Variants in ACAN observed in about 807,000 individuals in gnomAD.
ACAN encodes the protein aggrecan.
ACAN carries 47 observed loss-of-function variants against 169.1 expected under a neutral mutation model. The ratio of observed to expected loss-of-function variants is 0.28; its 90% CI spans 0.22 to 0.35. The LOEUF (loss-of-function observed/expected upper bound fraction) is 0.35. ACAN is among the 10% of genes least tolerant of loss of function. The probability of loss-of-function intolerance (pLI) is 1.00; values close to 1 mark genes in which losing one functional copy is unlikely to be tolerated. For missense variants in ACAN, 2,716 were observed against 2,759.9 expected (o/e 0.98, Z 0.36); for synonymous variants, 1,115 against 1,112.2 (o/e 1.00, Z -0.05).
intron 12 of ACAN, among the ~76,000 whole-genome samples, chr15:88,859,978 G>A (rs980082031): frequency 6.6e-6 from 1 of 151,752 alleles, no homozygotes; most frequent in South Asian, 2.1e-4. Flanking sequence ...AACCCCATCC[G>A]TGTACAAAGG....
chr15:88,864,954 A>G (rs16942392), intron 13 of ACAN, among the ~76,000 whole-genome samples: 1,700 of 152,306 alleles, frequency 0.011, 28 homozygotes, highest in South Asian at 0.045. Flanking sequence ...ATGAGCAAAT[A>G]AACTCTCACT....
chr15:88,857,406 C>A lies in ACAN; in HGVS notation c.4821C>A (p.Gly1607=). The A allele has an allele frequency of 1.2e-6, 2 of 1,613,908 alleles. No individual in the cohort carries two copies. Among genetic ancestry groups the A allele is most frequent in the Non-Finnish European group, 1.7e-6 (2 of 1,179,896 alleles). ...VGSASGDLDL[G]KLPSGTLGSG... ...CAGCTTCTGGAGACTTGGACTTGGG[C>A]AAACTGCCTTCTGGAACTCTAGGAA... Residue 1607 remains glycine, a synonymous_variant, in exon 12 of 19, where the codon GGC becomes GGA. Coordinates refer to ENST00000560601, the MANE Select transcript of ACAN (RefSeq NM_001369268.1).
rs1333786132 is a variant in ACAN at position 88,861,658 on chromosome 15, G to A, written c.6946+1219G>A. Among the ~76,000 whole-genome samples, 1 of 152,056 alleles carries A rather than the reference G, an allele frequency of 6.6e-6. No individual in the cohort carries two copies. Among genetic ancestry groups the A allele is most frequent in the African/African-American group, 2.4e-5 (1 of 41,378 alleles). Reference sequence around the variant, plus strand: ...GAAGGTCCCGGGCTTACTGCAGAAGGGGACAGCATTTCCACTGGGCCATAG... The same window carrying A: ...GAAGGTCCCGGGCTTACTGCAGAAGAGGACAGCATTTCCACTGGGCCATAG... On this transcript the variant is annotated intron_variant, in intron 13 of 18. Coordinates refer to ENST00000560601, the MANE Select transcript of ACAN (RefSeq NM_001369268.1). This position sits in a 1 kb window ranked among gnomAD's most constrained non-coding sequence, Gnocchi z 6.3.
At position 88,840,166 on chromosome 15, in the gene ACAN, G is replaced by T. The variant is rs2141567074; in HGVS notation, c.609G>T (p.Trp203Cys). 6.2e-7 allele frequency: 1 copy of T among 1,600,830 alleles called. No homozygotes were observed. The highest frequency in any genetic ancestry group is 8.5e-7 in the Non-Finnish European group (1 of 1,174,968). ...GCTTCCACCAGTGTGACGCCGGCTG[G>T]CTGGCTGACCAGACTGTCAGGTGAG... ...EDGFHQCDAG[W>C]LADQTVRYPI... Residue 203 changes from tryptophan to cysteine, a missense_variant, in exon 4 of 19, where the codon TGG becomes TGT. Trp to Cys is a radical substitution (Grantham distance 215, BLOSUM62 -2). Transcript: ENST00000560601.
chr15:88,842,423 G>A (rs772080143), intron 5 of ACAN, among the ~76,000 whole-genome samples: 7 of 152,116 alleles, frequency 4.6e-5, no homozygotes, highest in Non-Finnish European at 8.8e-5. Context: ...ACCCACGCAC[G>A]TGGATGACAC....
At chr15:88,848,119 A>T in intron 9 of ACAN, 81 bp downstream of exon 9, 1 of 1,555,086 alleles carries the variant, frequency 6.4e-7, no homozygotes, top group Non-Finnish European at 8.7e-7. Flanking sequence ...CAAAGAAGAG[A>T]GGGGGTTACC....
chr15:88,860,285 A>T (rs1897167410), intron 12 of ACAN, 41 bp from the exon 13 acceptor site: 4 of 1,450,576 alleles, frequency 2.8e-6, no homozygotes, highest in South Asian at 1.2e-5. Flanking sequence ...TAGCCAGGTG[A>T]CTGTGTTCTT....
intron 1 of ACAN, among the ~76,000 whole-genome samples, chr15:88,806,063 T>C (rs1596107678): frequency 6.6e-6 from 1 of 152,334 alleles, no homozygotes; most frequent in Non-Finnish European, 1.5e-5. Context: ...AAATTCCAGC[T>C]CAGCCACTCG....
Position 88,841,855 on chromosome 15 carries a change from G to C in ACAN, c.745G>C (p.Glu249Gln). 1 of 1,611,328 alleles carries C rather than the reference G, an allele frequency of 6.2e-7. No individual in the cohort carries two copies. The highest frequency in any genetic ancestry group is 8.5e-7 in the Non-Finnish European group (1 of 1,179,018). ...NETYDVYCFA[E>Q]EMEGEVFYAT... The stretch of plus-strand genomic sequence containing the variant: ...GACCTATGATGTGTACTGCTTCGCC[G>C]AGGAGATGGAGGGTGAGCTGCCCTG... Residue 249 changes from glutamate to glutamine, a missense_variant, in exon 5 of 19, where the codon GAG (glutamate) becomes CAG (glutamine). Around this residue, in one of 3 missense-constraint regions of ACAN, gnomAD observed 1,283 missense variants for 1,281.5 expected, o/e 1.00. Coordinates refer to ENST00000560601, the MANE Select transcript of ACAN (RefSeq NM_001369268.1).
intron 9 of ACAN, among the ~76,000 whole-genome samples, chr15:88,849,000 G>A (rs946799253): frequency 3.3e-5 from 5 of 152,204 alleles, no homozygotes; most frequent in African/African-American, 4.8e-5. Flanking sequence ...CCAGGGTGTG[G>A]GGTGAGCACG....
chr15:88,809,012 C>T (rs1895755387), intron 1 of ACAN, among the ~76,000 whole-genome samples: 2 of 152,206 alleles, frequency 1.3e-5, no homozygotes, highest in South Asian at 4.1e-4. Flanking sequence ...CCTCTCTGAG[C>T]CTCACTGCGT....
intron 11 of ACAN, among the ~76,000 whole-genome samples, chr15:88,853,124 A>G (rs748141954): frequency 2.0e-5 from 3 of 152,200 alleles, no homozygotes; most frequent in Non-Finnish European, 4.4e-5. Flanking sequence ...CACCAGGAGA[A>G]GAATGACTGA....
chr15:88,816,494 G>C (rs1393829687), intron 1 of ACAN, among the ~76,000 whole-genome samples: 7 of 152,184 alleles, frequency 4.6e-5, no homozygotes, highest in Non-Finnish European at 2.9e-5. Context: ...GAAATCTGGT[G>C]TGCACATACT....
At position 88,840,139 on chromosome 15, in the gene ACAN, C is replaced by A; in HGVS notation, c.582C>A (p.Asp194Glu). The change falls in exon 4 of 19, where the codon GAC becomes GAA. Residue 194 changes from aspartate to glutamate, a missense_variant. Physicochemically the swap from Asp to Glu is conservative, Grantham distance 45 (BLOSUM62 2). Transcript: ENST00000560601. ...AGCAGCTGCAGGCCGCCTACGAAGA[C>A]GGCTTCCACCAGTGTGACGCCGGCT... ...TPEQLQAAYE[D>E]GFHQCDAGWL... The A allele has an allele frequency of 6.2e-7, 1 of 1,605,940 alleles. No individual in the cohort carries two copies. Among genetic ancestry groups the A allele is most frequent in the Non-Finnish European group, 8.5e-7 (1 of 1,176,856 alleles).
intron 1 of ACAN, among the ~76,000 whole-genome samples, chr15:88,808,267 A>G (rs933029965): frequency 5.9e-5 from 9 of 152,212 alleles, no homozygotes; most frequent in African/African-American, 1.2e-4. Flanking sequence ...GGGGAAGGAT[A>G]TGCCCCAGGC....
intron 1 of ACAN, among the ~76,000 whole-genome samples, chr15:88,823,621 A>G (rs1010979777): frequency 6.6e-6 from 1 of 152,156 alleles, no homozygotes; most frequent in East Asian, 1.9e-4. Context: ...CCACCCTTCT[A>G]CAGGCACATG....
At position 88,861,710 on chromosome 15, in the gene ACAN, C is replaced by T. The variant is rs576770390; in HGVS notation, c.6946+1271C>T. ...GACCCCAGGGACCATAGCTGCACCC[C>T]ACCATCACTCACCCCTGATGGGTGA... On this transcript the variant is annotated intron_variant, in intron 13 of 18. Coordinates refer to ENST00000560601, the MANE Select transcript of ACAN (RefSeq NM_001369268.1). The surrounding 1 kb of genome is among the most constrained non-coding windows in gnomAD (Gnocchi z 6.3). Among the ~76,000 whole-genome samples, 120 of 152,172 alleles carry T rather than the reference C, an allele frequency of 7.9e-4. 1 individual carries two copies. The highest frequency in any genetic ancestry group is 2.8e-3 in the African/African-American group (115 of 41,488).
intron 1 of ACAN, among the ~76,000 whole-genome samples, chr15:88,821,243 G>A (rs1391367028): frequency 6.6e-6 from 1 of 152,134 alleles, no homozygotes; most frequent in Non-Finnish European, 1.5e-5. Flanking sequence ...AGGCTCATGC[G>A]ATCCTCCTAC....
chr15:88,873,448 T>C lies in ACAN; in HGVS notation c.7448-394T>C, dbSNP rs1414197681. The stretch of plus-strand genomic sequence containing the variant: ...TCCTTTGGCTTTCAGTCTGTGGACA[T>C]TGAGGTGCTGGTAGGATGCGCCCCA... On this transcript the variant is annotated intron_variant, in intron 17 of 18. Coordinates refer to ENST00000560601, the MANE Select transcript of ACAN (RefSeq NM_001369268.1). The surrounding 1 kb of genome is among the most constrained non-coding windows in gnomAD (Gnocchi z 7.5). 1.3e-5 allele frequency among the ~76,000 whole-genome samples: 2 copies of C among 152,194 alleles called. No individual in the cohort carries two copies. The highest frequency in any genetic ancestry group is 2.4e-5 in the African/African-American group (1 of 41,448).
Sources: gnomAD v4.1 joint callset for allele counts (sites outside exome capture counted in the v4.1 genomes callset) on GRCh38, gnomAD v4.1.1 for gene constraint, gnomAD v4.1.1 regional missense constraint, Gnocchi (gnomAD v3.1) non-coding constraint, MANE v1.5 for transcripts, NCBI Gene and HGNC (gene_info 2026-07-23, HGNC 2026-07-21) for gene names.